The following MYCBP2 variants were observed in gnomAD, a reference collection of about 807,000 sequenced individuals.
MYCBP2 encodes the protein E3 ubiquitin-protein ligase MYCBP2.
MYCBP2 carries 120 observed loss-of-function variants against 525.3 expected under a neutral mutation model. The ratio of observed to expected loss-of-function variants is 0.23; its 90% CI spans 0.20 to 0.27. The LOEUF is 0.27. MYCBP2 is among the 10% of genes least tolerant of loss of function. MYCBP2 has a pLI of 1.00. For missense variants in MYCBP2, 4,149 were observed against 5,657.1 expected (o/e 0.73, Z 8.55); for synonymous variants, 1,894 against 1,955.8 (o/e 0.97, Z 0.83).
chr13:77,111,301 A>G (rs572334716), intron 55 of MYCBP2, among the ~76,000 whole-genome samples: 3 of 152,284 alleles, frequency 2.0e-5, no homozygotes, highest in African/African-American at 7.2e-5. Flanking sequence ...AAGTCATCCA[A>G]CCGAACTCAT....
chr13:77,102,989 A>C (rs935606166), intron 55 of MYCBP2, among the ~76,000 whole-genome samples: 1 of 152,074 alleles, frequency 6.6e-6, no homozygotes, highest in Non-Finnish European at 1.5e-5. Flanking sequence ...TGTTTAACCT[A>C]TAGATGTAAT....
chr13:77,234,056 T>C (rs2067524737), intron 17 of MYCBP2, among the ~76,000 whole-genome samples: 1 of 151,944 alleles, frequency 6.6e-6, no homozygotes, highest in Non-Finnish European at 1.5e-5. Context: ...TCTTTCCACT[T>C]ATATGGTATT....
Position 77,326,854 on chromosome 13 carries a change from T to G in MYCBP2, c.-79A>C. ...ACACGCGCGCGCACACACAGCCCTT[T>G]TCCAACGACGACGGCTCCGGCGGCG... On this transcript the variant is annotated 5_prime_UTR_variant, in exon 1 of 83. Coordinates refer to ENST00000544440, the MANE Select transcript of MYCBP2 (RefSeq NM_015057.5). This position sits in a 1 kb window ranked among gnomAD's most constrained non-coding sequence, Gnocchi z 4.2. 1 of 1,300,480 alleles carries G rather than the reference T, an allele frequency of 7.7e-7. No individual in the cohort carries two copies. Among genetic ancestry groups the G allele is most frequent in the Non-Finnish European group, 9.8e-7 (1 of 1,020,424 alleles). The allele number at this position is 1,300,480 out of a possible 1,614,324, so 80.6% of individuals were successfully genotyped here.
rs181539027 is a variant in MYCBP2 at position 77,157,916 on chromosome 13, A to C, written c.6770+21T>G. Reference sequence around the variant, plus strand: ...AAGATGAAAGCCCTAAAATAAAGTAAGTAACTTAAAGTACATTTACCTTGC... The same window carrying C: ...AAGATGAAAGCCCTAAAATAAAGTACGTAACTTAAAGTACATTTACCTTGC... On this transcript the variant is annotated intron_variant, in intron 45 of 82. Coordinates refer to ENST00000544440, the MANE Select transcript of MYCBP2 (RefSeq NM_015057.5). The C allele has an allele frequency of 1.5e-3, 2,348 of 1,580,172 alleles. 17 individuals carry two copies. Among genetic ancestry groups the C allele is most frequent in the East Asian group, 1.9e-3 (81 of 43,620 alleles).
chr13:77,194,288 C>T, intron 26 of MYCBP2, 44 bp from the exon 27 acceptor site: 4 of 1,337,574 alleles, frequency 3.0e-6, no homozygotes, highest in Non-Finnish European at 4.3e-6. Flanking sequence ...ATCAGCTATA[C>T]ATATCTGATG....
rs542767765 is a variant in MYCBP2 at position 77,326,954 on chromosome 13, C to T, written c.-179G>A. On this transcript the variant is annotated 5_prime_UTR_variant, in exon 1 of 83. Transcript: ENST00000544440. This position sits in a 1 kb window ranked among gnomAD's most constrained non-coding sequence, Gnocchi z 4.2. ...CCTCCTCCTTCTTCTCCTCCTCCCCCCCGCGCCGCCCTCGCCGCTACTGGG... is the reference window on the plus strand; with the variant it reads ...CCTCCTCCTTCTTCTCCTCCTCCCCTCCGCGCCGCCCTCGCCGCTACTGGG... The T allele has an allele frequency of 9.5e-6, 5 of 524,126 alleles. No individual in the cohort carries two copies. Among genetic ancestry groups the T allele is most frequent in the Non-Finnish European group, 1.5e-5 (5 of 330,634 alleles). The allele number at this position is 524,126 out of a possible 1,614,324, so 32.5% of individuals were successfully genotyped here.
intron 20 of MYCBP2, among the ~76,000 whole-genome samples, chr13:77,222,788 T>C (rs899949638): frequency 6.6e-6 from 1 of 152,182 alleles, no homozygotes; most frequent in East Asian, 1.9e-4. Flanking sequence ...AATGGCAGAA[T>C]TCCATCCCTG....
At chr13:77,206,357 A>T (rs1469272594) in intron 24 of MYCBP2, among the ~76,000 whole-genome samples, 5 of 150,646 alleles carry the variant, frequency 3.3e-5, no homozygotes, top group Non-Finnish European at 5.9e-5. Flanking sequence ...ATATACTTGA[A>T]AATTTTATCA....
chr13:77,087,956 CT>C (rs113139974), intron 61 of MYCBP2, among the ~76,000 whole-genome samples: 11 of 150,876 alleles, frequency 7.3e-5, no homozygotes, highest in African/African-American at 9.7e-5. Flanking sequence ...GATTTTAAAA[CT>C]TTTTTTTTGT....
chr13:77,203,849 A>G (rs2154271953), intron 26 of MYCBP2, among the ~76,000 whole-genome samples: 1 of 152,122 alleles, frequency 6.6e-6, no homozygotes, highest in African/African-American at 2.4e-5. Context: ...CCATATGTAG[A>G]AAGCTGAAAC....
intron 4 of MYCBP2, among the ~76,000 whole-genome samples, chr13:77,276,731 A>G (rs2075635974): frequency 6.6e-6 from 1 of 151,490 alleles, no homozygotes; most frequent in Non-Finnish European, 1.5e-5. Flanking sequence ...CAGTGGCATG[A>G]TCACAGCCGA....
intron 36 of MYCBP2, 92 bp downstream of exon 36, chr13:77,176,405 A>G: frequency 8.8e-7 from 1 of 1,136,784 alleles, no homozygotes; most frequent in Admixed American, 2.6e-5. Flanking sequence ...AAATAGCTAT[A>G]GGTAACAAAC....
chr13:77,119,315 G>C (rs1420842262), intron 55 of MYCBP2, among the ~76,000 whole-genome samples: 2 of 152,080 alleles, frequency 1.3e-5, no homozygotes, highest in African/African-American at 4.8e-5. Flanking sequence ...ACTACATCCA[G>C]ACTAGGTGAT....
chr13:77,277,090 A>C (rs1039871486), intron 4 of MYCBP2, among the ~76,000 whole-genome samples: 2 of 152,208 alleles, frequency 1.3e-5, no homozygotes, highest in East Asian at 1.9e-4. Flanking sequence ...AGGAAAGTAT[A>C]TAACAACTGA....
intron 51 of MYCBP2, among the ~76,000 whole-genome samples, chr13:77,139,564 G>T (rs1044922275): frequency 6.6e-6 from 1 of 151,938 alleles, no homozygotes; most frequent in Non-Finnish European, 1.5e-5. Context: ...ATTTCACTTA[G>T]GAATAAAAAC....
Position 77,211,200 on chromosome 13 carries a change from A to ACAG in MYCBP2, c.3382_3383insCTG (p.Gly1127_Val1128insAla). 6.6e-7 allele frequency: 1 copy of ACAG among 1,510,242 alleles called. No homozygotes were observed. The highest frequency in any genetic ancestry group is 8.9e-7 in the Non-Finnish European group (1 of 1,126,986). The allele number at this position is 1,510,242 out of a possible 1,614,324, so 93.6% of individuals were successfully genotyped here. On this transcript the variant is annotated inframe_insertion, in exon 23 of 83. Transcript: ENST00000544440. Reference sequence around the variant, plus strand: ...TACATCATATACAGGATCAAGACACACACCAAATCCTTGCAGATCCTCTTG... The same window carrying ACAG: ...TACATCATATACAGGATCAAGACACACAGCACCAAATCCTTGCAGATCCTCTTG...
At chr13:77,095,842 G>A (rs111493966) in intron 57 of MYCBP2, among the ~76,000 whole-genome samples, 1 of 152,124 alleles carries the variant, frequency 6.6e-6, no homozygotes, top group Non-Finnish European at 1.5e-5. Flanking sequence ...CACCTAACTA[G>A]TTAAATCTAA....
Position 77,288,145 on chromosome 13 carries a change from G to T in MYCBP2, c.594+16C>A. 1 of 1,611,902 alleles carries T rather than the reference G, an allele frequency of 6.2e-7. No individual in the cohort carries two copies. The highest frequency in any genetic ancestry group is 8.5e-7 in the Non-Finnish European group (1 of 1,178,860). ...CAGGTTACACATCTAAATATTAATA[G>T]AACTCAGTGGCTTACCTTTGGAAGC... is the stretch of plus-strand genomic sequence containing the variant. On this transcript the variant is annotated intron_variant, in intron 3 of 82. Coordinates refer to ENST00000544440, the MANE Select transcript of MYCBP2 (RefSeq NM_015057.5).
Position 77,093,306 on chromosome 13 carries a change from T to C in MYCBP2, c.10226A>G (p.Tyr3409Cys). The C allele has an allele frequency of 1.9e-6, 3 of 1,613,334 alleles. No homozygotes were observed. Among genetic ancestry groups the C allele is most frequent in the African/African-American group, 1.3e-5 (1 of 74,994 alleles). ...ARHHHENFVG[Y>C]QDDNLFQDEM... The stretch of plus-strand genomic sequence containing the variant: ...ATCCTGGAATAGATTGTCATCTTGA[T>C]AGCCCACAAAATTTTCATGATGATG... Residue 3409 changes from tyrosine to cysteine, a missense_variant, in exon 59 of 83, where the codon TAT (tyrosine) becomes TGT (cysteine). Coordinates refer to ENST00000544440, the MANE Select transcript of MYCBP2 (RefSeq NM_015057.5).
Sources: gnomAD v4.1 joint callset for allele counts (sites outside exome capture counted in the v4.1 genomes callset) on GRCh38, gnomAD v4.1.1 for gene constraint, Gnocchi (gnomAD v3.1) non-coding constraint, MANE v1.5 for transcripts, NCBI Gene and HGNC (gene_info 2026-07-23, HGNC 2026-07-21) for gene names.